The following MID1 variants were observed in gnomAD, a reference collection of about 807,000 sequenced individuals.
The protein encoded by MID1 is E3 ubiquitin-protein ligase Midline-1.
In MID1, 7 loss-of-function variants were observed where a neutral mutation model predicts 40.4. The ratio of observed to expected loss-of-function variants is 0.17; its 90% confidence interval spans 0.10 to 0.33. The LOEUF (loss-of-function observed/expected upper bound fraction) is 0.33, where lower values mean the gene tolerates loss of function less well. MID1 is among the 10% of genes least tolerant of loss of function. The pLI is 1.00. For missense variants in MID1, 367 were observed against 558.5 expected (o/e 0.66, Z 3.46); for synonymous variants, 229 against 221.2 (o/e 1.04, Z -0.31).
At chrX:10,663,705 G>T (rs1254034382) in intron 1 of MID1, among the ~76,000 whole-genome samples, 1 of 110,991 alleles carries the variant, frequency 9.0e-6, no homozygotes, top group Admixed American at 9.6e-5. Context: ...TTTCTCAGTA[G>T]AATAATAATA....
chrX:10,553,920 C>T (rs183986349), intron 2 of MID1, among the ~76,000 whole-genome samples: 1 of 111,745 alleles, frequency 8.9e-6, no homozygotes, highest in East Asian at 2.8e-4. Flanking sequence ...CTTTCTTTCT[C>T]GCTAATTTTT....
intron 1 of MID1, among the ~76,000 whole-genome samples, chrX:10,708,146 A>G (rs542052712): frequency 3.6e-3 from 403 of 112,772 alleles, no homozygotes; most frequent in South Asian, 0.014. Flanking sequence ...ATAGATGACT[A>G]TATTAGGTTC....
chrX:10,576,847 G>A (rs190140139), intron 1 of MID1: 29 of 108,320 alleles, frequency 2.7e-4, no homozygotes, highest in African/African-American at 9.1e-4. Context: ...GGGGACCCAC[G>A]AAATGATAGA....
intron 3 of MID1, among the ~76,000 whole-genome samples, chrX:10,495,962 A>G (rs781321960): frequency 3.6e-5 from 4 of 112,492 alleles, no homozygotes; most frequent in East Asian, 5.5e-4. Flanking sequence ...GTACATAGCC[A>G]TTACCAATTA....
intron 1 of MID1, among the ~76,000 whole-genome samples, chrX:10,764,761 T>C (rs1602563772): frequency 1.8e-5 from 2 of 112,060 alleles, no homozygotes; most frequent in African/African-American, 3.2e-5. Flanking sequence ...TATGTCAACA[T>C]TGGGTCTATG....
At chrX:10,465,214 T>TATATATACAC (rs1477864693) in intron 7 of MID1, among the ~76,000 whole-genome samples, 2 of 39,898 alleles carry the variant, frequency 5.0e-5, no homozygotes, top group African/African-American at 1.4e-4. Flanking sequence ...TATATATATA[T>TATATATACAC]ACACACACAC....
At chrX:10,744,602 C>T (rs1652894541) in intron 1 of MID1, among the ~76,000 whole-genome samples, 1 of 111,452 alleles carries the variant, frequency 9.0e-6, no homozygotes, top group Non-Finnish European at 1.9e-5. Flanking sequence ...GGGTGCAAGT[C>T]CTAATCTTTC....
At chrX:10,527,700 T>C (rs1413415964) in intron 2 of MID1, among the ~76,000 whole-genome samples, 1 of 111,099 alleles carries the variant, frequency 9.0e-6, no homozygotes, top group African/African-American at 3.3e-5. Flanking sequence ...AGCCCTCAAG[T>C]GGCAATTACT....
At chrX:10,675,875 C>T (rs1008469562) in intron 1 of MID1, among the ~76,000 whole-genome samples, 3 of 111,453 alleles carry the variant, frequency 2.7e-5, no homozygotes, top group African/African-American at 9.8e-5. Context: ...CTCATTTCTT[C>T]TTTCCAATTA....
Position 10,449,385 on chromosome X carries a change from T to C in MID1, c.1987A>G (p.Thr663Ala). The part of the protein sequence containing the change: ...GLPIPDHLDC[T>A]EQLP ...CCAGACGCTCACGGCAGCTGCTCTG[T>C]GCAGTCCAAATGGTCTGGGATAGGG... Residue 663 changes from threonine (T) to alanine (A), a missense_variant, in exon 10 of 10, where the codon ACA becomes GCA. Around this residue, in one of 3 missense-constraint regions of MID1, gnomAD observed 275 missense variants for 383.1 expected, o/e 0.72. Coordinates refer to ENST00000317552, the MANE Select transcript of MID1 (RefSeq NM_000381.4). 2 of 1,210,643 alleles carry C rather than the reference T, an allele frequency of 1.7e-6. No homozygotes were observed. The highest frequency in any genetic ancestry group is 2.2e-6 in the Non-Finnish European group (2 of 894,667).
chrX:10,817,529 TTTC>T (rs2044144518), intron 1 of MID1, among the ~76,000 whole-genome samples: 3 of 94,086 alleles, frequency 3.2e-5, no homozygotes, highest in South Asian at 1.0e-3. Context: ...TCTTTCTTTC[TTTC>T]TTTCTTTCTT....
upstream of MID1, chrX:10,620,739 AG>A (rs1935923520): frequency 8.9e-6 from 1 of 112,292 alleles, no homozygotes; most frequent in Admixed American, 9.4e-5. Context: ...CAATGTCCAA[AG>A]CTCCAAAAGT....
At chrX:10,753,389 T>C (rs754061498) in intron 1 of MID1, among the ~76,000 whole-genome samples, 11 of 109,568 alleles carry the variant, frequency 1.0e-4, no homozygotes, top group Non-Finnish European at 1.9e-5. Context: ...AAAAAAAAAA[T>C]GAGTAGCAAA....
rs750393934 is a variant in MID1, at chrX:10,646,553, G to C, written c.-186-26134C>G. ...AAAACCATAGGGGAAGGAAATTTTC[G>C]CCTCCATTTCTGCTCAATACAGAAG... On this transcript the variant is annotated intron_variant, in intron 1 of 10. Transcript: ENST00000380785. 2.7e-5 allele frequency among the ~76,000 whole-genome samples: 3 copies of C among 111,105 alleles called. No individual in the cohort carries two copies. The Admixed American group carries it at 2.9e-4, about 11-fold the overall frequency.
At chrX:10,567,989 T>C (rs975756813) in intron 1 of MID1, among the ~76,000 whole-genome samples, 1 of 112,212 alleles carries the variant, frequency 8.9e-6, no homozygotes, top group Non-Finnish European at 1.9e-5. Context: ...GAAATATTCA[T>C]CAATAAACTA....
chrX:10,610,853 C>T (rs1186423723), intron 1 of MID1, among the ~76,000 whole-genome samples: 1 of 111,662 alleles, frequency 9.0e-6, no homozygotes, highest in Non-Finnish European at 1.9e-5. Flanking sequence ...CCCCTGGGAT[C>T]ACACAATTAG....
intron 2 of MID1, among the ~76,000 whole-genome samples, chrX:10,526,791 C>CAAGTGTTACTGAAGTCTGCA (rs1932843122): frequency 9.0e-6 from 1 of 111,693 alleles, no homozygotes; most frequent in African/African-American, 3.3e-5. Flanking sequence ...TTAAATAGTA[C>CAAGTGTTACTGAAGTCTGCA]AAGTGTTACT....
At chrX:10,468,231 G>A (rs1929497112) in intron 7 of MID1, among the ~76,000 whole-genome samples, 2 of 111,906 alleles carry the variant, frequency 1.8e-5, no homozygotes, top group Admixed American at 9.5e-5. Context: ...AGGGAGTTGA[G>A]GAGAGGAAGT....
At chrX:10,738,693 CAG>C (rs1378276619) in intron 1 of MID1, among the ~76,000 whole-genome samples, 1 of 110,389 alleles carries the variant, frequency 9.1e-6, no homozygotes, top group Non-Finnish European at 1.9e-5. Flanking sequence ...GGAGGAGAAA[CAG>C]AGTGGCAGAG....
Sources: gnomAD v4.1 joint callset for allele counts (sites outside exome capture counted in the v4.1 genomes callset) on GRCh38, gnomAD v4.1.1 for gene constraint, gnomAD v4.1.1 regional missense constraint, MANE v1.5 for transcripts, NCBI Gene and HGNC (gene_info 2026-07-23, HGNC 2026-07-21) for gene names.